The following TBRG1 variants were observed in gnomAD, a reference collection of about 807,000 sequenced individuals.
The protein encoded by TBRG1 is nuclear interactor of ARF and MDM2.
In TBRG1, 31 loss-of-function variants were observed where a neutral mutation model predicts 44.0. That is an observed-to-expected ratio of 0.70 (90% CI 0.53 to 0.95). TBRG1 has a LOEUF of 0.95. Ranked by LOEUF, TBRG1 falls within the 40% of genes least tolerant of loss-of-function variation. The probability of loss-of-function intolerance (pLI) is 0.00; values close to 1 mark genes in which losing one functional copy is unlikely to be tolerated. For synonymous variants in TBRG1, 171 were observed against 188.1 expected (o/e 0.91, Z 0.74); for missense variants, 487 against 496.1 (o/e 0.98, Z 0.18).
chr11:124,631,995 T>G (rs1942624434), intron 8 of TBRG1, 98 bp from the exon 9 acceptor site: 7 of 993,562 alleles, frequency 7.0e-6, no homozygotes, highest in Non-Finnish European at 9.3e-6. Flanking sequence ...AATGCAAGGG[T>G]GTTAAGGAAT....
Position 124,627,123 on chromosome 11 carries a change from G to A in TBRG1, c.738+73G>A, listed in dbSNP as rs960451628. 2.8e-6 allele frequency: 3 copies of A among 1,063,912 alleles called. No homozygotes were observed. The Admixed American group carries it at 6.1e-5, about 22-fold the overall frequency. 65.9% of individuals were successfully genotyped at this position (1,063,912 alleles called of 1,614,324 possible). On this transcript the variant is annotated intron_variant, in intron 5 of 8. Coordinates refer to ENST00000441174, the MANE Select transcript of TBRG1 (RefSeq NM_032811.3). ...TGCTAGGATATGTATTACCTGTTCT[G>A]ATACCTTACAAGGTAGATATGTATA...
At chr11:124,623,349 A>T (rs1942384114) in intron 1 of TBRG1, 116 bp downstream of exon 1, 1 of 1,162,720 alleles carries the variant, frequency 8.6e-7, no homozygotes, top group Middle Eastern at 1.9e-4. Flanking sequence ...GCTTTTCCGT[A>T]TACGTTACTA....
At chr11:124,630,971 C>G in intron 7 of TBRG1, 116 bp downstream of exon 7, 1 of 808,040 alleles carries the variant, frequency 1.2e-6, no homozygotes, top group Non-Finnish European at 2.0e-6. Flanking sequence ...TGCTTCTCGA[C>G]CAGTAGGGCT....
chr11:124,625,864 G>A lies in TBRG1; in HGVS notation c.415G>A (p.Glu139Lys), dbSNP rs1311743124. Residue 139 changes from glutamate (E) to lysine (K), a missense_variant, in exon 3 of 9, where the codon GAG becomes AAG. Physicochemically the swap from Glu to Lys is moderately conservative, Grantham distance 56. Transcript: ENST00000441174. The stretch of plus-strand genomic sequence containing the variant: ...ACCATTTGGGAAGAAAACTAAGAAG[G>A]AGAAAAAAGAAAAAGGCAAAGAGAA... ...EEPFGKKTKKEKKEKGKENNK... is the reference protein window; with the variant it reads ...EEPFGKKTKKKKKEKGKENNK... 3.8e-6 allele frequency: 6 copies of A among 1,573,522 alleles called. No individual in the cohort carries two copies. The Admixed American group carries it at 7.9e-5, about 21-fold the overall frequency.
chr11:124,635,835 G>GTAACA lies in TBRG1; in HGVS notation c.*3601_*3605dup, dbSNP rs879274151. 1.3e-5 allele frequency: 2 copies of GTAACA among 152,070 alleles called. No homozygotes were observed. The highest frequency in any genetic ancestry group is 2.4e-5 in the African/African-American group (1 of 41,390). 9.4% of individuals were successfully genotyped at this position (152,070 alleles called of 1,614,324 possible). A position where few individuals can be genotyped will look rare whatever the true frequency, so the allele number is the denominator to read the frequency against. ...TTTATTTATTTCCAACTTCTTATAG[G>GTAACA]TAACATAATTTTCAGACAATGTTAG... On this transcript the variant is annotated 3_prime_UTR_variant, in exon 9 of 9. Transcript: ENST00000441174.
rs763018788 is a variant in TBRG1 at position 124,634,668 on chromosome 11, T to C, written c.*2430T>C. On this transcript the variant is annotated 3_prime_UTR_variant, in exon 9 of 9. Transcript: ENST00000441174. ...AAATTGTTAAAAATCTATATGTCCA[T>C]TAATAGGAAATTGGTTAAATAAAAT... is the stretch of plus-strand genomic sequence containing the variant. 3.9e-5 allele frequency: 6 copies of C among 152,200 alleles called. No individual in the cohort carries two copies. Among genetic ancestry groups the C allele is most frequent in the Non-Finnish European group, 7.3e-5 (5 of 68,040 alleles). 9.4% of individuals were successfully genotyped at this position (152,200 alleles called of 1,614,324 possible).
chr11:124,631,110 C>T (rs1005673902), intron 7 of TBRG1, 165 bp from the exon 8 acceptor site: 1 of 701,544 alleles, frequency 1.4e-6, no homozygotes, highest in African/African-American at 1.8e-5. Context: ...ACTAATTTGT[C>T]ACTAAAGAGG....
Position 124,622,898 on chromosome 11 carries a change from C to G in TBRG1, c.-186C>G, listed in dbSNP as rs993005978. 6 of 611,848 alleles carry G rather than the reference C, an allele frequency of 9.8e-6. No individual in the cohort carries two copies. The highest frequency in any genetic ancestry group is 1.9e-5 in the African/African-American group (1 of 53,278). 37.9% of individuals were successfully genotyped at this position (611,848 alleles called of 1,614,324 possible). On this transcript the variant is annotated 5_prime_UTR_variant, in exon 1 of 9. Coordinates refer to ENST00000441174, the MANE Select transcript of TBRG1 (RefSeq NM_032811.3). ...ACAGACACGGAAGTGCTGGGAGGCG[C>G]CGGGAGCCCGTTCGGTTGCGGGTGT... is the stretch of plus-strand genomic sequence containing the variant.
Position 124,631,648 on chromosome 11 carries a change from C to T in TBRG1, c.1090+231C>T, listed in dbSNP as rs1942613057. ...GCGATCATAGTAAGGCAGGGTACCC[C>T]AGAAACTAAGGTATCTCATTCTGTA... On this transcript the variant is annotated intron_variant, in intron 8 of 8. Transcript: ENST00000441174. The T allele has an allele frequency of 2.1e-5, 12 of 564,756 alleles. 1 individual carries two copies. Among genetic ancestry groups the T allele is most frequent in the South Asian group, 4.1e-5 (2 of 48,750 alleles). 35.0% of individuals were successfully genotyped at this position (564,756 alleles called of 1,614,324 possible).
chr11:124,625,457 G>T (rs1475360692), intron 2 of TBRG1, among the ~76,000 whole-genome samples: 2 of 152,234 alleles, frequency 1.3e-5, no homozygotes, highest in African/African-American at 4.8e-5. Context: ...GAACCGTCCA[G>T]ATGCAAGAGA....
rs1942674876 is a variant in TBRG1 at position 124,634,348 on chromosome 11, A to AAAAC, written c.*2112_*2115dup. ...AAACTCCAACTCAAAAACAAAAACA[A>AAAAC]AAACACCTTGAAAAACACTGCCTTA... On this transcript the variant is annotated 3_prime_UTR_variant, in exon 9 of 9. Coordinates refer to ENST00000441174, the MANE Select transcript of TBRG1 (RefSeq NM_032811.3). 1 of 152,182 alleles carries AAAAC rather than the reference A, an allele frequency of 6.6e-6. No homozygotes were observed. Among genetic ancestry groups the AAAAC allele is most frequent in the South Asian group, 2.1e-4 (1 of 4,828 alleles). 9.4% of individuals were successfully genotyped at this position (152,182 alleles called of 1,614,324 possible).
At chr11:124,628,116 T>TATACACAC (rs1565400621) in intron 5 of TBRG1, among the ~76,000 whole-genome samples, 2 of 41,948 alleles carry the variant, frequency 4.8e-5, no homozygotes, top group Non-Finnish European at 9.8e-5. Flanking sequence ...TATATATATA[T>TATACACAC]ACACACACAC....
chr11:124,626,572 T>G lies in TBRG1; in HGVS notation c.554T>G (p.Ile185Ser), dbSNP rs1167744604. ...CCCTCAGGACGGCCTGTGTTCCCCA[T>G]CGGACTAGGGGGTCTAACAGTATAT... ...LDPSGRPVFP[I>S]GLGGLTVYSL... Residue 185 changes from isoleucine to serine, a missense_variant, in exon 4 of 9, where the codon ATC (isoleucine) becomes AGC (serine). Ile to Ser is a moderately radical substitution (Grantham distance 142). Transcript: ENST00000441174. 6.4e-7 allele frequency: 1 copy of G among 1,551,396 alleles called. No individual in the cohort carries two copies. Among genetic ancestry groups the G allele is most frequent in the Non-Finnish European group, 8.7e-7 (1 of 1,146,894 alleles).
intron 5 of TBRG1, among the ~76,000 whole-genome samples, chr11:124,627,968 C>A (rs896348040): frequency 4.7e-5 from 7 of 149,556 alleles, no homozygotes; most frequent in Non-Finnish European, 7.4e-5. Flanking sequence ...TTTTAATTTT[C>A]TTTTTTAGGT....
chr11:124,628,476 G>A (rs189107319), intron 5 of TBRG1, among the ~76,000 whole-genome samples: 1 of 147,860 alleles, frequency 6.8e-6, no homozygotes, highest in East Asian at 2.0e-4. Context: ...TATGACAAAG[G>A]ATTAATACCA....
intron 4 of TBRG1, 52 bp from the exon 5 acceptor site, chr11:124,626,852 T>A (rs771215136): frequency 8.9e-6 from 14 of 1,576,804 alleles, no homozygotes; most frequent in Non-Finnish European, 1.2e-5. Context: ...GAAACTGGAC[T>A]TCTAAATTCT....
At chr11:124,626,662 G>A (rs1159195693) in intron 4 of TBRG1, 53 bp downstream of exon 4, 2 of 1,540,754 alleles carry the variant, frequency 1.3e-6, no homozygotes, top group Non-Finnish European at 1.8e-6. Context: ...TACGGGAATG[G>A]GGTTGAGCCT....
In TBRG1 at chr11:124,622,990, A is replaced by T; in HGVS notation, c.-94A>T. The T allele has an allele frequency of 7.5e-7, 1 of 1,338,900 alleles. No individual in the cohort carries two copies. Among genetic ancestry groups the T allele is most frequent in the Non-Finnish European group, 9.9e-7 (1 of 1,006,860 alleles). 82.9% of individuals were successfully genotyped at this position (1,338,900 alleles called of 1,614,324 possible). A position where few individuals can be genotyped will look rare whatever the true frequency, so the allele number is the denominator to read the frequency against. ...AGATTCCTAGAGGCCCGATTCCGCT[A>T]GCCCGGAACAGACAAAGCCAGCGCT... On this transcript the variant is annotated 5_prime_UTR_variant, in exon 1 of 9. Transcript: ENST00000441174.
chr11:124,631,177 C>T (rs955331671), intron 7 of TBRG1, 98 bp from the exon 8 acceptor site: 44 of 1,188,386 alleles, frequency 3.7e-5, no homozygotes, highest in African/African-American at 3.1e-5. Flanking sequence ...TATATATGGG[C>T]GGAATATAAA....
Sources: gnomAD v4.1 joint callset for allele counts (sites outside exome capture counted in the v4.1 genomes callset) on GRCh38, gnomAD v4.1.1 for gene constraint, MANE v1.5 for transcripts, NCBI Gene and HGNC (gene_info 2026-07-23, HGNC 2026-07-21) for gene names.